The following AADACL3 variants were observed in gnomAD, a reference collection of about 807,000 sequenced individuals.
The protein encoded by AADACL3 is arylacetamide deacetylase like 3.
Under a neutral mutation model 13.6 loss-of-function variants are expected in AADACL3, and 13 were observed. That is an observed-to-expected ratio of 0.95 (90% CI 0.62 to 1.52). The LOEUF is 1.52. AADACL3 is among the 40% of genes most tolerant of loss of function. The probability of loss-of-function intolerance (pLI) is 0.00; values close to 1 mark genes in which losing one functional copy is unlikely to be tolerated. For synonymous variants in AADACL3, 195 were observed against 197.0 expected (o/e 0.99, Z 0.08); for missense variants, 519 against 499.2 (o/e 1.04, Z -0.38).
chr1:12,720,907 G>GT lies in AADACL3; in HGVS notation c.413dup (p.Leu138PhefsTer6). ...GAAACCCACCATGGCATATGCTCTC[G>GT]TTTGTGCAAGGAGAGTGACTCCGTG... On this transcript the variant is annotated frameshift_variant, in exon 3 of 4. Coordinates refer to ENST00000359318, the MANE Select transcript of AADACL3 (RefSeq NM_001103170.3). LOFTEE classifies it low-confidence loss of function (END_TRUNC). 1 of 1,611,906 alleles carries GT rather than the reference G, an allele frequency of 6.2e-7. No individual in the cohort carries two copies. Among genetic ancestry groups the GT allele is most frequent in the Non-Finnish European group, 8.5e-7 (1 of 1,178,566 alleles).
At position 12,727,070 on chromosome 1, in the gene AADACL3, C is replaced by G. The variant is rs1407591366; in HGVS notation, c.*1074C>G. 2 of 152,212 alleles carry G rather than the reference C, an allele frequency of 1.3e-5. No homozygotes were observed. The highest frequency in any genetic ancestry group is 2.9e-5 in the Non-Finnish European group (2 of 68,054). 9.4% of individuals were successfully genotyped at this position (152,212 alleles called of 1,614,324 possible). A position where few individuals can be genotyped will look rare whatever the true frequency, so the allele number is the denominator to read the frequency against. ...CTCCTCTTCATACGGTGGCACTGAG[C>G]AGCTTCATGCCTACCTTCCTCCAGG... On this transcript the variant is annotated 3_prime_UTR_variant, in exon 4 of 4. Coordinates refer to ENST00000359318, the MANE Select transcript of AADACL3 (RefSeq NM_001103170.3).
At position 12,716,215 on chromosome 1, in the gene AADACL3, C is replaced by T. The variant is rs3000860; in HGVS notation, c.39C>T (p.Cys13=). The stretch of plus-strand genomic sequence containing the variant: ...CCCTGATCTTCCTCGCAGCAGCCTG[C>T]GTGTTCTCACTAGGGGTCACTCTGT... ...DLALIFLAAA[C]VFSLGVTLWV... The change falls in exon 1 of 4, where the codon TGC becomes TGT. Residue 13 remains cysteine, a synonymous_variant. Transcript: ENST00000359318. 10 of 1,198,026 alleles carry T rather than the reference C, an allele frequency of 8.3e-6. No homozygotes were observed. The highest frequency in any genetic ancestry group is 2.4e-5 in the South Asian group (2 of 81,994). 74.2% of individuals were successfully genotyped at this position (1,198,026 alleles called of 1,614,324 possible). A position where few individuals can be genotyped will look rare whatever the true frequency, so the allele number is the denominator to read the frequency against.
chr1:12,725,246 G>C lies in AADACL3; in HGVS notation c.474G>C (p.Lys158Asn), dbSNP rs777183240. ...AVGYRKLPKH[K>N]FPVPVRDCLV... ...GTTACCGCAAGTTACCTAAGCATAAGTTTCCAGTGCCAGTAAGAGACTGCT... is the reference window on the plus strand; with the variant it reads ...GTTACCGCAAGTTACCTAAGCATAACTTTCCAGTGCCAGTAAGAGACTGCT... Residue 158 changes from lysine to asparagine, a missense_variant, in exon 4 of 4, where the codon AAG (lysine) becomes AAC (asparagine). Lys to Asn is a moderately conservative substitution (Grantham distance 94, BLOSUM62 0). Coordinates refer to ENST00000359318, the MANE Select transcript of AADACL3 (RefSeq NM_001103170.3). 9 of 1,607,866 alleles carry C rather than the reference G, an allele frequency of 5.6e-6. No individual in the cohort carries two copies. The highest frequency in any genetic ancestry group is 7.6e-6 in the Non-Finnish European group (9 of 1,177,624).
At chr1:12,722,269 G>A (rs557694822) in intron 3 of AADACL3, among the ~76,000 whole-genome samples, 2 of 144,838 alleles carry the variant, frequency 1.4e-5, no homozygotes, top group African/African-American at 5.0e-5. Context: ...AGAGGTTACA[G>A]TGAGCTGAGA....
rs181866526 is a variant in AADACL3, at chr1:12,719,464, C to G, written c.169-11C>G. 5.6e-6 allele frequency: 9 copies of G among 1,611,528 alleles called. No individual in the cohort carries two copies. Among genetic ancestry groups the G allele is most frequent in the African/African-American group, 1.3e-5 (1 of 74,896 alleles). ...CCCATCTCGACCCATCATTTCTTCT[C>G]TCTCCAACAGGGGATGATATTTGAG... is the stretch of plus-strand genomic sequence containing the variant. On this transcript the variant is annotated splice_polypyrimidine_tract_variant and intron_variant, in intron 1 of 3. Coordinates refer to ENST00000359318, the MANE Select transcript of AADACL3 (RefSeq NM_001103170.3).
At chr1:12,717,730 A>G (rs1648470270) in intron 1 of AADACL3, among the ~76,000 whole-genome samples, 1 of 152,166 alleles carries the variant, frequency 6.6e-6, no homozygotes, top group South Asian at 2.1e-4. Flanking sequence ...GGAGAATGCA[A>G]GGAGGACAGC....
intron 3 of AADACL3, 57 bp downstream of exon 3, chr1:12,721,003 G>C (rs1305534853): frequency 7.8e-6 from 6 of 773,528 alleles, no homozygotes; most frequent in African/African-American, 7.5e-5. Context: ...GATGTGGAGA[G>C]ATGGGGTGAG....
intron 3 of AADACL3, among the ~76,000 whole-genome samples, chr1:12,721,802 T>C (rs1638266819): frequency 6.6e-6 from 1 of 152,166 alleles, no homozygotes; most frequent in Non-Finnish European, 1.5e-5. Flanking sequence ...CCATTGTCTC[T>C]CCTAACAGAT....
intron 1 of AADACL3, among the ~76,000 whole-genome samples, chr1:12,718,275 C>G (rs1336542636): frequency 1.3e-5 from 2 of 149,146 alleles, no homozygotes; most frequent in Admixed American, 6.8e-5. Context: ...GTAATCCCAG[C>G]ACTTTGGGAG....
chr1:12,720,728 A>G (rs1434244305), intron 2 of AADACL3, among the ~76,000 whole-genome samples, 155 bp from the exon 3 acceptor site: 2 of 152,286 alleles, frequency 1.3e-5, no homozygotes, highest in East Asian at 3.9e-4. Context: ...AGTACCACGA[A>G]GGAGAATCAG....
chr1:12,716,296 T>C lies in AADACL3; in HGVS notation c.120T>C (p.Pro40=). The change falls in exon 1 of 4, where the codon CCT becomes CCC. Residue 40 remains proline, a synonymous_variant. Transcript: ENST00000359318. Reference sequence around the variant, plus strand: ...ACATCCCTGCAGCGGTTGGCCACCCTGTGAAACTGAGAGTCCTCCATTGCA... The same window carrying C: ...ACATCCCTGCAGCGGTTGGCCACCCCGTGAAACTGAGAGTCCTCCATTGCA... ...TVHIPAAVGH[P]VKLRVLHCIF... The C allele has an allele frequency of 6.2e-7, 1 of 1,614,104 alleles. No individual in the cohort carries two copies. Among genetic ancestry groups the C allele is most frequent in the Non-Finnish European group, 8.5e-7 (1 of 1,179,938 alleles).
chr1:12,726,701 A>G lies in AADACL3; in HGVS notation c.*705A>G, dbSNP rs1053807825. 6.6e-6 allele frequency: 1 copy of G among 152,226 alleles called. No individual in the cohort carries two copies. The highest frequency in any genetic ancestry group is 2.4e-5 in the African/African-American group (1 of 41,454). The allele number at this position is 152,226 out of a possible 1,614,324, so 9.4% of individuals were successfully genotyped here. ...TGGAATCAAAGCCTGTCTTCCAACC[A>G]GAAGCCCCAAGGCAATGTTCTAAGA... is the stretch of plus-strand genomic sequence containing the variant. On this transcript the variant is annotated 3_prime_UTR_variant, in exon 4 of 4. Transcript: ENST00000359318.
chr1:12,717,056 G>C (rs1479391033), intron 1 of AADACL3, among the ~76,000 whole-genome samples: 1 of 152,184 alleles, frequency 6.6e-6, no homozygotes, highest in Non-Finnish European at 1.5e-5. Flanking sequence ...CGGATTTCTT[G>C]TACTTTTTCT....
chr1:12,719,385 C>G (rs933665788), intron 1 of AADACL3, 90 bp from the exon 2 acceptor site: 1 of 1,268,208 alleles, frequency 7.9e-7, no homozygotes, highest in Non-Finnish European at 1.1e-6. Flanking sequence ...ACTCCTTTTG[C>G]CACCTGTGGA....
intron 3 of AADACL3, among the ~76,000 whole-genome samples, chr1:12,724,486 CT>C (rs761326105): frequency 2.6e-5 from 4 of 151,444 alleles, no homozygotes; most frequent in South Asian, 2.1e-4. Context: ...TGAGACCCTG[CT>C]TTTTTTTTCT....
chr1:12,719,911 A>C (rs536452294), intron 2 of AADACL3, among the ~76,000 whole-genome samples: 1 of 152,214 alleles, frequency 6.6e-6, no homozygotes, highest in Non-Finnish European at 1.5e-5. Context: ...TAAATTAACA[A>C]TACTGTAATA....
chr1:12,724,998 C>G (rs925590003), intron 3 of AADACL3, among the ~76,000 whole-genome samples: 2 of 152,130 alleles, frequency 1.3e-5, no homozygotes, highest in African/African-American at 4.8e-5. Flanking sequence ...TGGTGGATGT[C>G]TCGTGACACA....
chr1:12,721,917 T>C (rs1269596554), intron 3 of AADACL3, among the ~76,000 whole-genome samples: 1 of 152,194 alleles, frequency 6.6e-6, no homozygotes, highest in Non-Finnish European at 1.5e-5. Flanking sequence ...TTCCTCCTGG[T>C]TAAGTTTCCC....
At chr1:12,721,882 GCC>G (rs1638269163) in intron 3 of AADACL3, among the ~76,000 whole-genome samples, 2 of 152,200 alleles carry the variant, frequency 1.3e-5, no homozygotes, top group Non-Finnish European at 2.9e-5. Context: ...CTGTCCTGCT[GCC>G]TGATGCAGCA....
Sources: gnomAD v4.1 joint callset for allele counts (sites outside exome capture counted in the v4.1 genomes callset) on GRCh38, gnomAD v4.1.1 for gene constraint, MANE v1.5 for transcripts, NCBI Gene and HGNC (gene_info 2026-07-23, HGNC 2026-07-21) for gene names.